Variants in SRSF11 observed in about 807,000 individuals in gnomAD.
The protein encoded by SRSF11 is serine/arginine-rich splicing factor 11.
SRSF11 carries 9 observed loss-of-function variants against 56.0 expected under a neutral mutation model. The observed-to-expected ratio is 0.16, with a 90% CI of 0.10 to 0.28. SRSF11 has a LOEUF of 0.28. Among genes scored for constraint, SRSF11 ranks in the 10% least tolerant of loss-of-function variants. The probability of loss-of-function intolerance (pLI) is 1.00; values close to 1 mark genes in which losing one functional copy is unlikely to be tolerated. For synonymous variants in SRSF11, 222 were observed against 215.3 expected (o/e 1.03, Z -0.27); for missense variants, 421 against 600.7 (o/e 0.70, Z 3.13).
intron 9 of SRSF11, among the ~76,000 whole-genome samples, chr1:70,248,034 G>A (rs1677150446): frequency 6.6e-6 from 1 of 152,138 alleles, no homozygotes; most frequent in South Asian, 2.1e-4. Flanking sequence ...ATGATAGTAA[G>A]TGTTGATTAG....
intron 5 of SRSF11, 30 bp downstream of exon 5, chr1:70,235,580 G>A: frequency 1.2e-6 from 2 of 1,601,094 alleles, no homozygotes; most frequent in Non-Finnish European, 1.7e-6. Context: ...TTTCATTGGT[G>A]ATGTGGTATC....
intron 2 of SRSF11, chr1:70,228,859 A>G (rs1032096097): frequency 9.4e-6 from 10 of 1,067,932 alleles, no homozygotes; most frequent in African/African-American, 8.4e-5. Flanking sequence ...GTTAAGTTTT[A>G]TGAAAAAGCC....
chr1:70,237,161 G>GT (rs1674299620), intron 5 of SRSF11, among the ~76,000 whole-genome samples: 1 of 152,026 alleles, frequency 6.6e-6, no homozygotes, highest in Non-Finnish European at 1.5e-5. Flanking sequence ...CTAAAAATGT[G>GT]TTTGTTTATG....
chr1:70,233,736 G>C (rs1314831941), intron 3 of SRSF11, among the ~76,000 whole-genome samples: 3 of 152,178 alleles, frequency 2.0e-5, no homozygotes, highest in Non-Finnish European at 4.4e-5. Context: ...AGAAAGTGAG[G>C]CTGTTTCAAA....
At chr1:70,212,756 T>C (rs1669676288) in intron 1 of SRSF11, among the ~76,000 whole-genome samples, 1 of 152,224 alleles carries the variant, frequency 6.6e-6, no homozygotes, top group South Asian at 2.1e-4. Context: ...CAAGTATTAC[T>C]ATTGTTAGTC....
chr1:70,228,894 G>T (rs1444962195), intron 2 of SRSF11: 56 of 984,250 alleles, frequency 5.7e-5, no homozygotes, highest in Non-Finnish European at 6.5e-5. Context: ...TTCACTCCAT[G>T]TATGCTTACA....
chr1:70,236,357 G>T (rs1428122227), intron 5 of SRSF11, among the ~76,000 whole-genome samples: 56 of 131,722 alleles, frequency 4.3e-4, no homozygotes, highest in Non-Finnish European at 1.4e-4. Context: ...TTTGAGACGA[G>T]TCTCACTCTG....
In SRSF11 at chr1:70,236,792, A is replaced by ATTTTT. The variant is rs35602423; in HGVS notation, c.591-608_591-604dup. On this transcript the variant is annotated intron_variant, in intron 5 of 11. Coordinates refer to ENST00000370949, the MANE Select transcript of SRSF11 (RefSeq NM_001350605.2). The stretch of plus-strand genomic sequence containing the variant: ...TCCCCAAAAAATTACTATGTCATAA[A>ATTTTT]TTTTTTTTTTTTTTTTTTTTTTTTT... 7.0e-4 allele frequency among the ~76,000 whole-genome samples: 59 copies of ATTTTT among 83,778 alleles called. 3 individuals are homozygous for ATTTTT. Among genetic ancestry groups the ATTTTT allele is most frequent in the African/African-American group, 1.5e-3 (35 of 23,424 alleles). The allele number at this position is 83,778 out of a possible 152,430, so 55.0% of individuals were successfully genotyped here.
chr1:70,243,336 C>CAAAAAA (rs56098296), intron 7 of SRSF11, among the ~76,000 whole-genome samples: 1 of 32,560 alleles, frequency 3.1e-5, no homozygotes, highest in African/African-American at 8.0e-5. Context: ...TGGTTGGTGG[C>CAAAAAA]AAAAAAAAAA....
At chr1:70,247,662 T>A (rs749721535) in intron 9 of SRSF11, among the ~76,000 whole-genome samples, 8 of 152,064 alleles carry the variant, frequency 5.3e-5, no homozygotes, top group Non-Finnish European at 1.0e-4. Context: ...TTCCTAGATA[T>A]GACTTCAAAA....
chr1:70,224,538 A>G (rs552435441), intron 1 of SRSF11, among the ~76,000 whole-genome samples: 1 of 150,140 alleles, frequency 6.7e-6, no homozygotes, highest in Non-Finnish European at 1.5e-5. Context: ...AACCTCACCC[A>G]CACCTACTGA....
intron 8 of SRSF11, 104 bp downstream of exon 8, chr1:70,244,919 G>A (rs1473503273): frequency 9.4e-7 from 1 of 1,059,082 alleles, no homozygotes; most frequent in Non-Finnish European, 1.3e-6. Flanking sequence ...AGAGAAATAG[G>A]GCTAGACAGG....
chr1:70,222,967 T>C (rs551228725), intron 1 of SRSF11, among the ~76,000 whole-genome samples: 3 of 152,326 alleles, frequency 2.0e-5, no homozygotes, highest in Admixed American at 2.0e-4. Context: ...GAAATGTACA[T>C]GTGGAGAGAG....
At position 70,228,709 on chromosome 1, in the gene SRSF11, T is replaced by G. The variant is rs970685648; in HGVS notation, c.337+154T>G. 36 of 1,320,418 alleles carry G rather than the reference T, an allele frequency of 2.7e-5. No homozygotes were observed. In the African/African-American group the frequency reaches 5.3e-4, roughly 20 times the overall value. 81.8% of individuals were successfully genotyped at this position (1,320,418 alleles called of 1,614,324 possible). A position where few individuals can be genotyped will look rare whatever the true frequency, so the allele number is the denominator to read the frequency against. ...GTCCGTAATTTTTGCTTGCAGATTT[T>G]TTTTAATTCTAAAAATTAGAAATTA... On this transcript the variant is annotated intron_variant, in intron 2 of 11. Transcript: ENST00000370949.
chr1:70,240,265 T>A (rs1675044946), intron 7 of SRSF11, among the ~76,000 whole-genome samples: 1 of 152,208 alleles, frequency 6.6e-6, no homozygotes, highest in Non-Finnish European at 1.5e-5. Flanking sequence ...AAAATTAACT[T>A]TACTGCTTCA....
intron 3 of SRSF11, among the ~76,000 whole-genome samples, chr1:70,233,324 A>C (rs1384024591): frequency 2.6e-5 from 4 of 151,940 alleles, no homozygotes; most frequent in Admixed American, 1.3e-4. Flanking sequence ...GGCTCACCGC[A>C]GTCTCCACCT....
At chr1:70,240,114 T>G (rs1675002112) in intron 7 of SRSF11, among the ~76,000 whole-genome samples, 1 of 152,184 alleles carries the variant, frequency 6.6e-6, no homozygotes, top group Non-Finnish European at 1.5e-5. Context: ...TCAACACAGG[T>G]GTCTTCCTTA....
At chr1:70,232,429 A>G (rs750830103) in intron 3 of SRSF11, 52 bp downstream of exon 3, 1 of 1,399,446 alleles carries the variant, frequency 7.1e-7, no homozygotes, top group Non-Finnish European at 9.9e-7. Flanking sequence ...AGAATTGTGC[A>G]TAAAGCTAAA....
At chr1:70,222,298 TG>T (rs1348342069) in intron 1 of SRSF11, among the ~76,000 whole-genome samples, 1 of 152,232 alleles carries the variant, frequency 6.6e-6, no homozygotes, top group Non-Finnish European at 1.5e-5. Context: ...TATGTGGTTC[TG>T]GCCCAGCAAT....
Sources: allele counts gnomAD v4.1 joint callset (sites outside exome capture counted in the v4.1 genomes callset), GRCh38; gene constraint gnomAD v4.1.1; transcripts MANE v1.5; gene names NCBI Gene and HGNC (gene_info 2026-07-23, HGNC 2026-07-21).